The following FOXP2 variants were observed in gnomAD, a reference collection of about 807,000 sequenced individuals.
FOXP2 encodes forkhead box protein P2.
Under a neutral mutation model 115.8 loss-of-function variants are expected in FOXP2, and 12 were observed. The ratio of observed to expected loss-of-function variants is 0.10; its 90% confidence interval spans 0.07 to 0.17. The LOEUF (loss-of-function observed/expected upper bound fraction) is 0.17. FOXP2 is among the 10% of genes least tolerant of loss of function. The pLI is 1.00. For missense variants in FOXP2, 629 were observed against 843.5 expected (o/e 0.75, Z 3.15); for synonymous variants, 328 against 297.7 (o/e 1.10, Z -1.05).
intron 3 of FOXP2, among the ~76,000 whole-genome samples, chr7:114,566,567 C>T (rs983879008): frequency 1.3e-5 from 2 of 152,082 alleles, no homozygotes; most frequent in Non-Finnish European, 2.9e-5. Context: ...GAGTGGAAGC[C>T]ACTTGAGGCC....
chr7:114,468,772 C>G (rs1795919596), intron 2 of FOXP2, among the ~76,000 whole-genome samples: 1 of 152,084 alleles, frequency 6.6e-6, no homozygotes, highest in African/African-American at 2.4e-5. Context: ...ATATATCTAT[C>G]CCCTGCAAAC....
At chr7:114,249,493 G>C (rs530075421) in intron 1 of FOXP2, among the ~76,000 whole-genome samples, 6 of 152,122 alleles carry the variant, frequency 3.9e-5, no homozygotes, top group Admixed American at 2.6e-4. Flanking sequence ...TGTTAGTTTG[G>C]TGAGGATAAT....
At chr7:114,089,386 A>T (rs1043290680) in intron 1 of FOXP2, among the ~76,000 whole-genome samples, 5 of 152,114 alleles carry the variant, frequency 3.3e-5, no homozygotes, top group African/African-American at 1.2e-4. Flanking sequence ...CTTTATAGTT[A>T]GGTTGTTAAA....
At chr7:114,303,497 T>G (rs1466952919) in intron 2 of FOXP2, among the ~76,000 whole-genome samples, 1 of 152,176 alleles carries the variant, frequency 6.6e-6, no homozygotes, top group Non-Finnish European at 1.5e-5. Context: ...TGACTTCACA[T>G]CAAGCATTCA....
chr7:114,256,755 C>G (rs765027490), intron 1 of FOXP2, among the ~76,000 whole-genome samples: 2 of 152,088 alleles, frequency 1.3e-5, no homozygotes, highest in Non-Finnish European at 2.9e-5. Context: ...TTTTTGACCT[C>G]TTCAAGGGGA....
intron 1 of FOXP2, among the ~76,000 whole-genome samples, chr7:114,147,421 T>C (rs1312602241): frequency 6.6e-6 from 1 of 152,078 alleles, no homozygotes; most frequent in African/African-American, 2.4e-5. Context: ...TGTAGTGAAA[T>C]AGAAAACAAG....
intron 1 of FOXP2, among the ~76,000 whole-genome samples, chr7:114,238,273 T>C (rs1464765958): frequency 6.6e-6 from 1 of 152,154 alleles, no homozygotes; most frequent in Non-Finnish European, 1.5e-5. Context: ...TTAACACTTT[T>C]TTTTTTTCTT....
chr7:114,373,502 T>C (rs1316084349), intron 2 of FOXP2, among the ~76,000 whole-genome samples: 1 of 152,210 alleles, frequency 6.6e-6, no homozygotes, highest in Non-Finnish European at 1.5e-5. Context: ...CTTTCTGTCA[T>C]TGCCTCCCTT....
At chr7:114,612,974 G>A (rs1197429291) in intron 3 of FOXP2, among the ~76,000 whole-genome samples, 1 of 152,132 alleles carries the variant, frequency 6.6e-6, no homozygotes, top group East Asian at 1.9e-4. Flanking sequence ...TAGGGTCAAA[G>A]TTAAGTTACT....
intron 1 of FOXP2, among the ~76,000 whole-genome samples, chr7:114,233,168 T>C (rs887605229): frequency 1.5e-4 from 22 of 150,710 alleles, no homozygotes; most frequent in African/African-American, 5.4e-4. Flanking sequence ...ATGTGTTTTT[T>C]ACCACAATAA....
chr7:114,683,420 T>G (rs1808199520), intron 16 of FOXP2, among the ~76,000 whole-genome samples: 1 of 152,160 alleles, frequency 6.6e-6, no homozygotes, highest in Non-Finnish European at 1.5e-5. Context: ...TGTGTGTGTT[T>G]GTCTTTGCTG....
chr7:114,250,181 A>G (rs1795402935), intron 1 of FOXP2, among the ~76,000 whole-genome samples: 1 of 151,668 alleles, frequency 6.6e-6, no homozygotes, highest in South Asian at 2.1e-4. Context: ...ACATTTTCTT[A>G]ATCCAGTCTA....
chr7:114,402,740 C>T (rs1392556532), intron 2 of FOXP2, among the ~76,000 whole-genome samples: 1 of 152,042 alleles, frequency 6.6e-6, no homozygotes, highest in Non-Finnish European at 1.5e-5. Context: ...AATCCTCCCG[C>T]CTCAGCCCCC....
chr7:114,551,431 G>A (rs1293796329), intron 3 of FOXP2, among the ~76,000 whole-genome samples: 1 of 152,120 alleles, frequency 6.6e-6, no homozygotes, highest in Non-Finnish European at 1.5e-5. Flanking sequence ...TGGCTTTTTA[G>A]AGTGTTCTAT....
chr7:114,688,261 T>TTG (rs1450689503), intron 16 of FOXP2, among the ~76,000 whole-genome samples: 1 of 150,344 alleles, frequency 6.7e-6, no homozygotes, highest in Non-Finnish European at 1.5e-5. Flanking sequence ...TTTTTTTTTT[T>TTG]TGGCCTAGTT....
chr7:114,445,416 G>T (rs1487433845), intron 2 of FOXP2, among the ~76,000 whole-genome samples: 1 of 152,092 alleles, frequency 6.6e-6, no homozygotes, highest in Admixed American at 6.6e-5. Flanking sequence ...ATGTAACTTA[G>T]GATCAACTCC....
intron 1 of FOXP2, among the ~76,000 whole-genome samples, chr7:114,156,405 A>G (rs548186080): frequency 6.6e-6 from 1 of 152,242 alleles, no homozygotes; most frequent in Non-Finnish European, 1.5e-5. Flanking sequence ...ATGATAAAAG[A>G]TTGGGTTTCA....
chr7:114,269,983 A>T lies in FOXP2; in HGVS notation c.-101-18036A>T, dbSNP rs151009408. On this transcript the variant is annotated intron_variant, in intron 1 of 17. Transcript: ENST00000634411. The stretch of plus-strand genomic sequence containing the variant: ...TTGTTCCAGTGATTTAACCACATTC[A>T]TCCAGAAATTCTCGGCCTCAGGATA... Among the ~76,000 whole-genome samples the T allele has an allele frequency of 5.2e-4, 79 of 152,286 alleles. 1 individual carries two copies. In the East Asian group the frequency reaches 0.014, roughly 27 times the overall value.
At chr7:114,624,175 A>G (rs139179533) in intron 3 of FOXP2, among the ~76,000 whole-genome samples, 25 of 152,038 alleles carry the variant, frequency 1.6e-4, no homozygotes, top group African/African-American at 5.8e-4. Flanking sequence ...GAAGAAATGT[A>G]TCAAGAATGT....
Sources: gnomAD v4.1 joint callset for allele counts (sites outside exome capture counted in the v4.1 genomes callset) on GRCh38, gnomAD v4.1.1 for gene constraint, MANE v1.5 for transcripts, NCBI Gene and HGNC (gene_info 2026-07-23, HGNC 2026-07-21) for gene names.